DLGAP1: variants seen among roughly 807,000 people sequenced by gnomAD.
DLGAP1 encodes the protein DLG associated protein 1.
Under a neutral mutation model 90.8 loss-of-function variants are expected in DLGAP1, and 11 were observed. The ratio of observed to expected loss-of-function variants is 0.12; its 90% CI spans 0.08 to 0.20. DLGAP1 has a LOEUF of 0.20. Ranked by LOEUF, DLGAP1 falls within the 10% of genes least tolerant of loss-of-function variation. The pLI, the probability that DLGAP1 is intolerant of heterozygous loss-of-function variation, is 1.00. For synonymous variants in DLGAP1, 558 were observed against 540.7 expected (o/e 1.03, Z -0.44); for missense variants, 1,050 against 1,333.8 (o/e 0.79, Z 3.31).
chr18:3,622,261 C>T (rs1311900529), intron 7 of DLGAP1, among the ~76,000 whole-genome samples: 19 of 151,978 alleles, frequency 1.3e-4, no homozygotes, highest in African/African-American at 4.1e-4. Context: ...CCCACCAACA[C>T]GCCCGGCTAA....
intron 7 of DLGAP1, among the ~76,000 whole-genome samples, chr18:3,659,993 C>T (rs2059632872): frequency 1.3e-5 from 2 of 152,204 alleles, no homozygotes; most frequent in South Asian, 4.1e-4. Flanking sequence ...ACTTGCGGCT[C>T]GCTCCCTCTT....
chr18:4,194,073 T>C (rs1421606525), intron 1 of DLGAP1, among the ~76,000 whole-genome samples: 2 of 152,180 alleles, frequency 1.3e-5, no homozygotes, highest in African/African-American at 4.8e-5. Flanking sequence ...GTATATTGCC[T>C]GATGCTGAGG....
At chr18:3,824,159 T>C (rs1043918320) in intron 4 of DLGAP1, among the ~76,000 whole-genome samples, 5 of 152,098 alleles carry the variant, frequency 3.3e-5, no homozygotes, top group Non-Finnish European at 5.9e-5. Context: ...TAGTTACTAG[T>C]GTGCTGGTGT....
Position 4,029,287 on chromosome 18 carries a change from C to T in DLGAP1, c.-158-24086G>A, listed in dbSNP as rs1029186071. On this transcript the variant is annotated intron_variant, in intron 2 of 12. Transcript: ENST00000315677. ...TGCTTAGACTGATTCCAGATCTTGG[C>T]TATTATGAATAGTGCTGCAATAATC... 9.2e-5 allele frequency among the ~76,000 whole-genome samples: 14 copies of T among 152,154 alleles called. 1 individual carries two copies. The highest frequency in any genetic ancestry group is 7.2e-4 in the Admixed American group (11 of 15,274).
intron 9 of DLGAP1, among the ~76,000 whole-genome samples, chr18:3,536,892 G>A (rs900861028): frequency 6.6e-5 from 10 of 152,194 alleles, no homozygotes; most frequent in African/African-American, 2.2e-4. Flanking sequence ...TTTCTCAGAT[G>A]AGGGGCAAGG....
chr18:3,990,899 A>G (rs1056124675), intron 3 of DLGAP1, among the ~76,000 whole-genome samples: 1 of 151,874 alleles, frequency 6.6e-6, no homozygotes, highest in African/African-American at 2.4e-5. Context: ...AATGTAAAAT[A>G]AAACCACTCA....
At chr18:3,880,542 C>G (rs2071128850) in intron 3 of DLGAP1, among the ~76,000 whole-genome samples, 1 of 152,088 alleles carries the variant, frequency 6.6e-6, no homozygotes, top group Non-Finnish European at 1.5e-5. Context: ...ATCAGTGTCC[C>G]CTAAAACAGC....
chr18:3,675,730 G>A (rs555009547), intron 7 of DLGAP1, among the ~76,000 whole-genome samples: 1 of 152,304 alleles, frequency 6.6e-6, no homozygotes, highest in African/African-American at 2.4e-5. Context: ...TTCCATTAAG[G>A]CCTTTGCAGT....
chr18:3,588,639 G>A (rs2056040721), intron 7 of DLGAP1, among the ~76,000 whole-genome samples: 1 of 151,026 alleles, frequency 6.6e-6, no homozygotes, highest in South Asian at 2.1e-4. Context: ...AATTAGCCAG[G>A]CGTGGTGGTG....
intron 2 of DLGAP1, among the ~76,000 whole-genome samples, chr18:4,099,238 A>ATCTATCTATCTG (rs1555739728): frequency 8.8e-6 from 1 of 114,008 alleles, no homozygotes. Flanking sequence ...TTGAAAATAG[A>ATCTATCTATCTG]TCTGTCTGTC....
intron 10 of DLGAP1, among the ~76,000 whole-genome samples, chr18:3,520,308 A>G (rs576492452): frequency 1.3e-5 from 2 of 152,204 alleles, no homozygotes; most frequent in East Asian, 3.9e-4. Context: ...CTTACCTGAG[A>G]TGTCTGGCAG....
chr18:4,426,160 C>T (rs770450281), intron 1 of DLGAP1, among the ~76,000 whole-genome samples: 165 of 152,168 alleles, frequency 1.1e-3, no homozygotes, highest in Non-Finnish European at 1.6e-3. Flanking sequence ...TCTGTTTCAG[C>T]GTTCAGACAT....
At chr18:4,099,451 A>G (rs908415731) in intron 2 of DLGAP1, among the ~76,000 whole-genome samples, 1 of 152,138 alleles carries the variant, frequency 6.6e-6, no homozygotes, top group African/African-American at 2.4e-5. Flanking sequence ...CAGTTTCCCA[A>G]TGCGTGTAAG....
rs965927234 is a variant in DLGAP1 at position 4,454,416 on chromosome 18, C to CTT, written c.-267+589_-267+590insAA. Among the ~76,000 whole-genome samples the CTT allele has an allele frequency of 2.0e-5, 3 of 152,202 alleles. No homozygotes were observed. Among genetic ancestry groups the CTT allele is most frequent in the African/African-American group, 7.2e-5 (3 of 41,450 alleles). ...CTCCTTGGACCCCATTTCTCTCTCTCTCTCTCTCTCTGTGCCTGTCTTTGT... is the reference window on the plus strand; with the variant it reads ...CTCCTTGGACCCCATTTCTCTCTCTCTTTCTCTCTCTCTGTGCCTGTCTTTGT... On this transcript the variant is annotated intron_variant, in intron 1 of 12. Coordinates refer to ENST00000315677, the MANE Select transcript of DLGAP1 (RefSeq NM_004746.4). The surrounding 1 kb of genome is among the most constrained non-coding windows in gnomAD (Gnocchi z 4.7).
chr18:4,440,984 C>T (rs574812374), intron 1 of DLGAP1, among the ~76,000 whole-genome samples: 11 of 152,302 alleles, frequency 7.2e-5, no homozygotes, highest in African/African-American at 1.7e-4. Flanking sequence ...TTACTTTCAT[C>T]GGCCTGAATT....
intron 4 of DLGAP1, among the ~76,000 whole-genome samples, chr18:3,869,653 C>T (rs2070623670): frequency 6.6e-6 from 1 of 152,218 alleles, no homozygotes; most frequent in Non-Finnish European, 1.5e-5. Flanking sequence ...AAATTTTACA[C>T]CCACACTGTG....
intron 1 of DLGAP1, among the ~76,000 whole-genome samples, chr18:4,271,897 A>G (rs2079292612): frequency 6.6e-6 from 1 of 152,200 alleles, no homozygotes. Context: ...TAAATCAAGT[A>G]CCCTTTTTGA....
chr18:4,442,803 A>G (rs2083567288), intron 1 of DLGAP1, among the ~76,000 whole-genome samples: 1 of 152,226 alleles, frequency 6.6e-6, no homozygotes, highest in Admixed American at 6.5e-5. Context: ...CTAACACTCT[A>G]AAAGAAACGC....
chr18:3,818,306 T>G (rs1041841434), intron 4 of DLGAP1, among the ~76,000 whole-genome samples: 2 of 150,388 alleles, frequency 1.3e-5, no homozygotes, highest in African/African-American at 4.9e-5. Flanking sequence ...CATAATCAAG[T>G]GCTAACATCC....
Sources: allele counts gnomAD v4.1 joint callset (sites outside exome capture counted in the v4.1 genomes callset), GRCh38; gene constraint gnomAD v4.1.1; non-coding constraint Gnocchi (gnomAD v3.1); transcripts MANE v1.5; gene names NCBI Gene and HGNC (gene_info 2026-07-23, HGNC 2026-07-21).